The following BMPER variants were observed in gnomAD, a reference collection of about 807,000 sequenced individuals.
BMPER encodes BMP binding endothelial regulator.
BMPER carries 45 observed loss-of-function variants against 87.3 expected under a neutral mutation model. That is an observed-to-expected ratio of 0.52 (90% CI 0.41 to 0.66). The LOEUF is 0.66. Ranked by LOEUF, BMPER falls within the 30% of genes least tolerant of loss-of-function variation. The pLI is 0.00. For synonymous variants in BMPER, 326 were observed against 316.2 expected, an observed-to-expected ratio of 1.03 and a Z score of -0.33; for missense variants, 784 against 867.5, an observed-to-expected ratio of 0.90 and a Z score of 1.21.
At chr7:33,952,976 A>G (rs1257837437) in intron 3 of BMPER, among the ~76,000 whole-genome samples, 1 of 152,218 alleles carries the variant, frequency 6.6e-6, no homozygotes, top group Admixed American at 6.5e-5. Flanking sequence ...CATCAGAGCC[A>G]GCTAATTATG....
intron 3 of BMPER, among the ~76,000 whole-genome samples, chr7:33,938,285 CAG>C (rs1178315138): frequency 6.6e-6 from 1 of 152,214 alleles, no homozygotes; most frequent in African/African-American, 2.4e-5. Flanking sequence ...TACTGGGTGG[CAG>C]AGTGTTCCCC....
At chr7:33,962,262 A>G (rs532006998) in intron 3 of BMPER, among the ~76,000 whole-genome samples, 2 of 152,232 alleles carry the variant, frequency 1.3e-5, no homozygotes, top group Non-Finnish European at 2.9e-5. Flanking sequence ...CTTCTCTACA[A>G]GAATATGAAT....
At chr7:33,926,994 G>T (rs139254005) in intron 2 of BMPER, among the ~76,000 whole-genome samples, 1 of 152,226 alleles carries the variant, frequency 6.6e-6, no homozygotes, top group African/African-American at 2.4e-5. Flanking sequence ...AAAGCTGATC[G>T]GCTTTTCATC....
intron 12 of BMPER, 71 bp downstream of exon 12, chr7:34,079,257 T>C: frequency 6.3e-7 from 1 of 1,583,688 alleles, no homozygotes; most frequent in Non-Finnish European, 8.7e-7. Context: ...ACTGCTCGGT[T>C]AGAGCACTCA....
At chr7:33,976,831 C>T (rs891026599) in intron 6 of BMPER, among the ~76,000 whole-genome samples, 2 of 152,174 alleles carry the variant, frequency 1.3e-5, no homozygotes, top group South Asian at 2.1e-4. Flanking sequence ...ACAGGGGTCA[C>T]AAACCAAAAT....
chr7:34,135,665 C>T (rs1190757774), intron 13 of BMPER, among the ~76,000 whole-genome samples: 1 of 152,100 alleles, frequency 6.6e-6, no homozygotes, highest in Non-Finnish European at 1.5e-5. Flanking sequence ...TACTCAGGCA[C>T]CTCCCTTAGC....
chr7:34,108,168 A>G (rs6954603), intron 13 of BMPER, among the ~76,000 whole-genome samples: 3,683 of 152,294 alleles, frequency 0.024, 33 homozygotes, highest in African/African-American at 0.038. Flanking sequence ...CATAAGTCCA[A>G]TTATTAACGG....
chr7:34,044,511 C>G (rs769887599), intron 6 of BMPER, among the ~76,000 whole-genome samples: 1 of 152,132 alleles, frequency 6.6e-6, no homozygotes, highest in Admixed American at 6.5e-5. Flanking sequence ...CATCTTGGGT[C>G]CTCCCTCTTG....
At chr7:33,966,439 A>T (rs1267675898) in intron 3 of BMPER, 40 bp from the exon 4 acceptor site, 6 of 1,560,226 alleles carry the variant, frequency 3.8e-6, no homozygotes, top group Non-Finnish European at 5.3e-6. Context: ...ACCCATACCC[A>T]TTCTTGGCCT....
At chr7:33,943,514 T>C (rs1370309573) in intron 3 of BMPER, among the ~76,000 whole-genome samples, 4 of 152,150 alleles carry the variant, frequency 2.6e-5, no homozygotes, top group African/African-American at 9.7e-5. Context: ...AACCAGCTTG[T>C]CATTCCTGTC....
At chr7:33,952,567 G>A (rs187781828) in intron 3 of BMPER, among the ~76,000 whole-genome samples, 1 of 152,286 alleles carries the variant, frequency 6.6e-6, no homozygotes, top group East Asian at 1.9e-4. Context: ...GTCTAGGTTC[G>A]CTTTTATTTG....
At chr7:33,948,655 C>T (rs1784946655) in intron 3 of BMPER, among the ~76,000 whole-genome samples, 1 of 152,138 alleles carries the variant, frequency 6.6e-6, no homozygotes, top group Admixed American at 6.5e-5. Context: ...GCACTTCTCC[C>T]TTTGTTCTGT....
At chr7:33,996,469 G>A (rs1164144202) in intron 6 of BMPER, among the ~76,000 whole-genome samples, 1 of 152,124 alleles carries the variant, frequency 6.6e-6, no homozygotes, top group Non-Finnish European at 1.5e-5. Context: ...CCTACCAAAT[G>A]GCTTCTTGCT....
chr7:34,120,618 G>A (rs552015402), intron 13 of BMPER, among the ~76,000 whole-genome samples: 2 of 152,236 alleles, frequency 1.3e-5, no homozygotes, highest in South Asian at 2.1e-4. Context: ...GGCTGATCTC[G>A]AATTCCCGAC....
rs78458023 is a variant in BMPER at position 34,046,291 on chromosome 7, T to C, written c.577-15T>C. Reference sequence around the variant, plus strand: ...TACTTTTCTAAATATGCTTTTTTTTTCTCTCTTTTCTTAGGGAGGCAGGAC... The same window carrying C: ...TACTTTTCTAAATATGCTTTTTTTTCCTCTCTTTTCTTAGGGAGGCAGGAC... On this transcript the variant is annotated splice_polypyrimidine_tract_variant and intron_variant, in intron 6 of 14. Coordinates refer to ENST00000649409, the MANE Select transcript of BMPER (RefSeq NM_001365308.1). 47 of 1,609,450 alleles carry C rather than the reference T, an allele frequency of 2.9e-5. 1 individual carries two copies. Among genetic ancestry groups the C allele is most frequent in the East Asian group, 8.9e-5 (4 of 44,840 alleles).
intron 11 of BMPER, 56 bp from the exon 12 acceptor site, chr7:34,078,801 T>C: frequency 6.3e-7 from 1 of 1,576,900 alleles, no homozygotes; most frequent in South Asian, 1.1e-5. Flanking sequence ...CCCTGATTTC[T>C]CTGTGAATCC....
rs982118740 is a variant in BMPER, at chr7:33,966,481, T to C, written c.322T>C (p.Cys108Arg). ...CTGCTTCTGTGTCTCCTGTCTAGGT[T>C]GCACCTATGAAGGAAATACCTATAA... Reference protein sequence around the residue: ...RGACCEQCKGCTYEGNTYNSS... With the variant: ...RGACCEQCKGRTYEGNTYNSS... Residue 108 changes from cysteine to arginine, a missense_variant and splice_region_variant, in exon 4 of 15, where the codon TGC (cysteine) becomes CGC (arginine). By Grantham distance (180) the Cys-to-Arg change is radical. Coordinates refer to ENST00000649409, the MANE Select transcript of BMPER (RefSeq NM_001365308.1). 4.3e-5 allele frequency: 70 copies of C among 1,613,250 alleles called. No individual in the cohort carries two copies. Among genetic ancestry groups the C allele is most frequent in the Non-Finnish European group, 5.7e-5 (67 of 1,179,368 alleles).
intron 3 of BMPER, among the ~76,000 whole-genome samples, chr7:33,953,637 G>A (rs1464742189): frequency 1.3e-5 from 2 of 152,094 alleles, no homozygotes; most frequent in South Asian, 2.1e-4. Flanking sequence ...TTTTTATGGC[G>A]AGACACACAT....
intron 2 of BMPER, among the ~76,000 whole-genome samples, chr7:33,908,147 A>C (rs955839787): frequency 4.6e-5 from 7 of 152,214 alleles, no homozygotes; most frequent in Admixed American, 1.3e-4. Context: ...GTTGAAAAGA[A>C]GCTTTCAGTT....
Sources: gnomAD v4.1 joint callset for allele counts (sites outside exome capture counted in the v4.1 genomes callset) on GRCh38, gnomAD v4.1.1 for gene constraint, MANE v1.5 for transcripts, NCBI Gene and HGNC (gene_info 2026-07-23, HGNC 2026-07-21) for gene names.